The following PRKD3 variants were observed in gnomAD, a reference collection of about 807,000 sequenced individuals.
The protein encoded by PRKD3 is serine/threonine-protein kinase D3.
Under a neutral mutation model 99.2 loss-of-function variants are expected in PRKD3, and 47 were observed. The ratio of observed to expected loss-of-function variants is 0.47; its 90% CI spans 0.38 to 0.60. PRKD3 has a LOEUF of 0.60. Ranked by LOEUF, PRKD3 falls within the 20% of genes least tolerant of loss-of-function variation. PRKD3 has a pLI of 0.00. For synonymous variants in PRKD3, 392 were observed against 355.4 expected (o/e 1.10, Z -1.16); for missense variants, 1,019 against 1,088.4 (o/e 0.94, Z 0.90).
chr2:37,293,359 T>G lies in PRKD3; in HGVS notation c.289-88A>C, dbSNP rs954843349. 4 of 1,295,914 alleles carry G rather than the reference T, an allele frequency of 3.1e-6. No homozygotes were observed. The African/African-American group carries it at 5.8e-5, about 19-fold the overall frequency. 80.3% of individuals were successfully genotyped at this position (1,295,914 alleles called of 1,614,324 possible). A position where few individuals can be genotyped will look rare whatever the true frequency, so the allele number is the denominator to read the frequency against. On this transcript the variant is annotated intron_variant, in intron 2 of 18. Coordinates refer to ENST00000234179, the MANE Select transcript of PRKD3 (RefSeq NM_005813.6). Reference sequence around the variant, plus strand: ...CAATTTTATCAAAGAATTTAAAACATAGTGTTTTTAACCTAACACTATTTG... The same window carrying G: ...CAATTTTATCAAAGAATTTAAAACAGAGTGTTTTTAACCTAACACTATTTG...
intron 14 of PRKD3, among the ~76,000 whole-genome samples, chr2:37,261,084 C>G (rs1399498225): frequency 6.6e-6 from 1 of 152,172 alleles, no homozygotes; most frequent in Non-Finnish European, 1.5e-5. Flanking sequence ...ATCTAAATTC[C>G]TTTGTCAACA....
At chr2:37,280,130 T>C (rs544665030) in intron 7 of PRKD3, among the ~76,000 whole-genome samples, 8 of 150,750 alleles carry the variant, frequency 5.3e-5, no homozygotes, top group African/African-American at 1.5e-4. Flanking sequence ...CTGCAACCTC[T>C]ACCTCCTGGG....
In PRKD3 at chr2:37,293,163, C is replaced by A. The variant is rs768079496; in HGVS notation, c.397G>T (p.Glu133Ter). The change falls in exon 3 of 19, where the codon GAA becomes TAA. Residue 133 changes from glutamate to a stop codon, truncating the protein, a stop_gained. Transcript: ENST00000234179. LOFTEE classifies it high-confidence loss of function. ...AGAACCACTTCCACTAGGTCTCCTT[C>A]ATGTATTTCATCTGCTGAGGTAATC... Reference protein sequence around the residue: ...QLITSADEIHEGDLVEVVLSA... With the variant: ...QLITSADEIH The A allele has an allele frequency of 6.3e-7, 1 of 1,599,446 alleles. No homozygotes were observed. Among genetic ancestry groups the A allele is most frequent in the Non-Finnish European group, 8.6e-7 (1 of 1,168,280 alleles).
intron 10 of PRKD3, 76 bp downstream of exon 10, chr2:37,275,691 A>T: frequency 9.9e-6 from 14 of 1,419,914 alleles, no homozygotes; most frequent in Non-Finnish European, 1.3e-5. Flanking sequence ...ATTCAAATAT[A>T]ACAGTTAATG....
intron 13 of PRKD3, chr2:37,268,495 A>G (rs1163108974): frequency 2.7e-6 from 1 of 366,372 alleles, no homozygotes; most frequent in South Asian, 2.1e-5. Context: ...CTCACAGCCA[A>G]CGCTCCAATA....
At chr2:37,294,906 C>G (rs952456927) in intron 2 of PRKD3, among the ~76,000 whole-genome samples, 1 of 152,138 alleles carries the variant, frequency 6.6e-6, no homozygotes, top group African/African-American at 2.4e-5. Context: ...GAAACCCTGT[C>G]TCTGATAAAA....
rs1670526811 is a variant in PRKD3 at position 37,293,249 on chromosome 2, C to T, written c.311G>A (p.Gly104Asp). ...YQKFPECGFF[G>D]MYDKILLFRH... ...AAAGAGAAGAATTTTGTCATACATG[C>T]CAAAGAATCCACACTCTGGAAACTG... Residue 104 changes from glycine to aspartate, a missense_variant, in exon 3 of 19, where the codon GGC becomes GAC. Physicochemically the swap from Gly to Asp is moderately conservative, Grantham distance 94. Around this residue, in one of 3 missense-constraint regions of PRKD3, gnomAD observed 710 missense variants for 692.7 expected, o/e 1.02. Coordinates refer to ENST00000234179, the MANE Select transcript of PRKD3 (RefSeq NM_005813.6). The T allele has an allele frequency of 1.9e-6, 3 of 1,599,262 alleles. No homozygotes were observed. In the African/African-American group the frequency reaches 4.0e-5, roughly 21 times the overall value.
chr2:37,316,778 T>G lies in PRKD3; in HGVS notation c.-254A>C, dbSNP rs1671683860. On this transcript the variant is annotated 5_prime_UTR_variant, in exon 2 of 19. Transcript: ENST00000234179. ...TGTCTGTAGGAAGACAACCAGGGAT[T>G]TGTAAAGGATTTAACATCACTGAGC... 1.2e-5 allele frequency: 16 copies of G among 1,322,462 alleles called. No homozygotes were observed. The highest frequency in any genetic ancestry group is 3.0e-5 in the African/African-American group (2 of 67,398). 81.9% of individuals were successfully genotyped at this position (1,322,462 alleles called of 1,614,324 possible).
At position 37,293,956 on chromosome 2, in the gene PRKD3, C is replaced by G. The variant is rs541245115; in HGVS notation, c.289-685G>C. ...TTTGCTTTGCCAAATGGAAAAAGCA[C>G]AGCCAAATTTGTAGCCCAATTTTAC... On this transcript the variant is annotated intron_variant, in intron 2 of 18. Transcript: ENST00000234179. Among the ~76,000 whole-genome samples, 4 of 152,164 alleles carry G rather than the reference C, an allele frequency of 2.6e-5. No homozygotes were observed. The South Asian group carries it at 8.3e-4, about 32-fold the overall frequency.
chr2:37,306,358 A>C (rs1474723813), intron 2 of PRKD3, among the ~76,000 whole-genome samples: 1 of 152,188 alleles, frequency 6.6e-6, no homozygotes, highest in African/African-American at 2.4e-5. Flanking sequence ...CAGTAAAAAC[A>C]CATTCCCTTC....
chr2:37,297,253 A>C (rs1421307687), intron 2 of PRKD3, among the ~76,000 whole-genome samples: 1 of 152,182 alleles, frequency 6.6e-6, no homozygotes. Context: ...CTCCTGAGGA[A>C]TAGGCGGCGA....
At position 37,293,377 on chromosome 2, in the gene PRKD3, A is replaced by G. The variant is rs1004926144; in HGVS notation, c.289-106T>C. On this transcript the variant is annotated intron_variant, in intron 2 of 18. Coordinates refer to ENST00000234179, the MANE Select transcript of PRKD3 (RefSeq NM_005813.6). ...TAAAACATAGTGTTTTTAACCTAAC[A>G]CTATTTGCTAACAATTCTATTGATA... 3.1e-5 allele frequency: 34 copies of G among 1,093,752 alleles called. No individual in the cohort carries two copies. The African/African-American group carries it at 4.8e-4, about 16-fold the overall frequency. The allele number at this position is 1,093,752 out of a possible 1,614,324, so 67.8% of individuals were successfully genotyped here.
intron 2 of PRKD3, among the ~76,000 whole-genome samples, chr2:37,306,327 C>T (rs955004157): frequency 6.6e-6 from 1 of 152,296 alleles, no homozygotes; most frequent in South Asian, 2.1e-4. Flanking sequence ...TTCCCAGTAC[C>T]ATTAGTTCTT....
At chr2:37,274,314 G>T in intron 11 of PRKD3, 107 bp downstream of exon 11, 1 of 1,301,060 alleles carries the variant, frequency 7.7e-7, no homozygotes, top group Non-Finnish European at 1.1e-6. Flanking sequence ...GGTTACTAAA[G>T]ACTAAGCTTA....
intron 2 of PRKD3, among the ~76,000 whole-genome samples, chr2:37,298,664 GTATTT>G (rs1186874442): frequency 1.3e-5 from 2 of 151,740 alleles, no homozygotes; most frequent in East Asian, 3.9e-4. Flanking sequence ...TTATTCCTAG[GTATTT>G]TATTTTATTT....
At chr2:37,296,899 CAAAAAAAAAAA>C (rs748730644) in intron 2 of PRKD3, among the ~76,000 whole-genome samples, 2 of 48,130 alleles carry the variant, frequency 4.2e-5, no homozygotes, top group African/African-American at 8.0e-5. Context: ...GACTCTGTCT[CAAAAAAAAAAA>C]AAAAAAAAAA....
chr2:37,311,339 T>C lies in PRKD3; in HGVS notation c.288+4898A>G, dbSNP rs1671417217. ...TTTATTTCAGGACTTACATCTACCT[T>C]ATATTAGGGCAATTTGACATTTGCT... is the stretch of plus-strand genomic sequence containing the variant. On this transcript the variant is annotated intron_variant, in intron 2 of 18. Coordinates refer to ENST00000234179, the MANE Select transcript of PRKD3 (RefSeq NM_005813.6). 2.6e-5 allele frequency among the ~76,000 whole-genome samples: 4 copies of C among 152,202 alleles called. No homozygotes were observed. The South Asian group carries it at 8.3e-4, about 31-fold the overall frequency.
rs1046719950 is a variant in PRKD3, at chr2:37,297,819, C to T, written c.289-4548G>A. ...GCACTCTACCAAGGGCACCTACTGT[C>T]AACATGACATCACCACTGATGTTGG... On this transcript the variant is annotated intron_variant, in intron 2 of 18. Transcript: ENST00000234179. Among the ~76,000 whole-genome samples, 8 of 152,286 alleles carry T rather than the reference C, an allele frequency of 5.3e-5. No homozygotes were observed. In the Middle Eastern group the frequency reaches 0.017, roughly 324 times the overall value.
At position 37,255,383 on chromosome 2, in the gene PRKD3, T is replaced by C. The variant is rs561002588; in HGVS notation, c.2414-1094A>G. 3.9e-5 allele frequency among the ~76,000 whole-genome samples: 6 copies of C among 152,332 alleles called. No homozygotes were observed. The East Asian group carries it at 1.2e-3, about 29-fold the overall frequency. Reference sequence around the variant, plus strand: ...GGGGTATTCCCCAGCACTGGTTCTATTAACTTCTATGGGGCAGTTAAATAA... The same window carrying C: ...GGGGTATTCCCCAGCACTGGTTCTACTAACTTCTATGGGGCAGTTAAATAA... On this transcript the variant is annotated intron_variant, in intron 17 of 18. Coordinates refer to ENST00000234179, the MANE Select transcript of PRKD3 (RefSeq NM_005813.6).
Sources: gnomAD v4.1 joint callset for allele counts (sites outside exome capture counted in the v4.1 genomes callset) on GRCh38, gnomAD v4.1.1 for gene constraint, gnomAD v4.1.1 regional missense constraint, MANE v1.5 for transcripts, NCBI Gene and HGNC (gene_info 2026-07-23, HGNC 2026-07-21) for gene names.